MARVELD2: variants seen among roughly 807,000 people sequenced by gnomAD.
MARVELD2 encodes MARVEL domain-containing protein 2.
In MARVELD2, 49 loss-of-function variants were observed where a neutral mutation model predicts 57.6. The observed-to-expected ratio is 0.85, with a 90% confidence interval of 0.68 to 1.08. The LOEUF is 1.08. MARVELD2 is among the 50% of genes least tolerant of loss of function. MARVELD2 has a pLI of 0.00. For synonymous variants in MARVELD2, 238 were observed against 258.8 expected (o/e 0.92, Z 0.77); for missense variants, 606 against 701.1 (o/e 0.86, Z 1.53).
intron 3 of MARVELD2, among the ~76,000 whole-genome samples, chr5:69,425,318 G>A (rs963334234): frequency 2.5e-4 from 38 of 149,422 alleles, no homozygotes; most frequent in African/African-American, 8.8e-4. Context: ...TGGGTGCAGC[G>A]CACCAGCATG....
At chr5:69,424,294 C>T (rs1330520295) in intron 2 of MARVELD2, among the ~76,000 whole-genome samples, 1 of 152,138 alleles carries the variant, frequency 6.6e-6, no homozygotes, top group East Asian at 1.9e-4. Context: ...TTTAATCATG[C>T]AAAGTAATGG....
Position 69,439,062 on chromosome 5 carries a change from C to CA in MARVELD2, c.1504-1369dup, listed in dbSNP as rs11315832. On this transcript the variant is annotated intron_variant, in intron 5 of 6. Transcript: ENST00000325631. The stretch of plus-strand genomic sequence containing the variant: ...TGGGCAACAGAGCAAGACCCTGTCT[C>CA]AAAAAAAAAAAAAAAAAAAGAAGAA... 3.6e-3 allele frequency among the ~76,000 whole-genome samples: 323 copies of CA among 89,106 alleles called. 1 individual carries two copies. The highest frequency in any genetic ancestry group is 8.9e-3 in the African/African-American group (209 of 23,408). The allele number at this position is 89,106 out of a possible 152,430, so 58.5% of individuals were successfully genotyped here.
chr5:69,433,560 T>C lies in MARVELD2; in HGVS notation c.1503+467T>C, dbSNP rs369848758. The C allele has an allele frequency of 3.8e-4, 63 of 167,602 alleles. No individual in the cohort carries two copies. The East Asian group carries it at 0.011, about 28-fold the overall frequency. The allele number at this position is 167,602 out of a possible 1,614,324, so 10.4% of individuals were successfully genotyped here. ...CTGCAAGCTCCACCTCCCGAGTTCA[T>C]GCCATTCTCCTGCCTCAGCCTCCCG... On this transcript the variant is annotated intron_variant, in intron 5 of 6. Coordinates refer to ENST00000325631, the MANE Select transcript of MARVELD2 (RefSeq NM_001038603.3).
chr5:69,439,838 A>C (rs2150933989), intron 5 of MARVELD2, among the ~76,000 whole-genome samples: 1 of 152,192 alleles, frequency 6.6e-6, no homozygotes, highest in South Asian at 2.1e-4. Flanking sequence ...ATAGGTTTGC[A>C]TGGATGAACG....
At chr5:69,438,690 G>C (rs1007904199) in intron 5 of MARVELD2, among the ~76,000 whole-genome samples, 3 of 152,042 alleles carry the variant, frequency 2.0e-5, no homozygotes, top group Non-Finnish European at 2.9e-5. Context: ...TTCGAGACCA[G>C]CCAGGCCAAC....
intron 1 of MARVELD2, among the ~76,000 whole-genome samples, chr5:69,416,907 G>A (rs187701814): frequency 1.3e-5 from 2 of 152,250 alleles, no homozygotes; most frequent in Middle Eastern, 3.4e-3. Context: ...GTCAAGTCAT[G>A]TCACTCCTCT....
chr5:69,439,769 G>A (rs1456715082), intron 5 of MARVELD2, among the ~76,000 whole-genome samples: 1 of 151,456 alleles, frequency 6.6e-6, no homozygotes, highest in Non-Finnish European at 1.5e-5. Flanking sequence ...AAAAAAAAAC[G>A]CTGTAAATTA....
intron 5 of MARVELD2, among the ~76,000 whole-genome samples, chr5:69,438,323 C>G (rs1379228277): frequency 6.6e-6 from 1 of 152,146 alleles, no homozygotes; most frequent in African/African-American, 2.4e-5. Flanking sequence ...AGTGCTAACC[C>G]CAATAGCAAG....
At chr5:69,424,500 C>T (rs953231249) in intron 2 of MARVELD2, 101 bp from the exon 3 acceptor site, 3 of 952,140 alleles carry the variant, frequency 3.2e-6, no homozygotes, top group Non-Finnish European at 1.7e-6. Context: ...GAGGATCAAC[C>T]TCTTAAAATT....
intron 1 of MARVELD2, among the ~76,000 whole-genome samples, chr5:69,415,889 A>G (rs1766396211): frequency 6.6e-6 from 1 of 152,220 alleles, no homozygotes. Flanking sequence ...CGCTGCCGCG[A>G]CCTGCGGGAC....
chr5:69,420,753 A>G (rs955437728), intron 2 of MARVELD2, among the ~76,000 whole-genome samples: 2 of 152,112 alleles, frequency 1.3e-5, no homozygotes, highest in African/African-American at 4.8e-5. Flanking sequence ...CTGTTACATA[A>G]CATTGCAAGT....
At chr5:69,429,242 C>A (rs2583699) in intron 3 of MARVELD2, among the ~76,000 whole-genome samples, 75,150 of 151,736 alleles carry the variant, frequency 0.5, 18,656 homozygotes, top group South Asian at 0.54. Flanking sequence ...CACACCTAAT[C>A]CAATCTAAAG....
chr5:69,415,594 C>G (rs548088323), intron 1 of MARVELD2: 51 of 152,368 alleles, frequency 3.3e-4, no homozygotes, highest in African/African-American at 1.2e-3. Flanking sequence ...GGAGACCCCA[C>G]AGCTAAAATG....
intron 4 of MARVELD2, 108 bp from the exon 5 acceptor site, chr5:69,432,814 T>C: frequency 6.5e-7 from 1 of 1,534,388 alleles, no homozygotes. Flanking sequence ...AGAGGTAATG[T>C]ATTGAATTGA....
In MARVELD2 at chr5:69,419,368, C is replaced by T; in HGVS notation, c.-15-3C>T. On this transcript the variant is annotated splice_polypyrimidine_tract_variant and splice_region_variant and intron_variant, in intron 1 of 6. Coordinates refer to ENST00000325631, the MANE Select transcript of MARVELD2 (RefSeq NM_001038603.3). ...TAAGTGATAACTTTAAATTTGGCCA[C>T]AGGTGTGAAAATCACAAATGTCAAA... 6.2e-7 allele frequency: 1 copy of T among 1,614,108 alleles called. No homozygotes were observed. The highest frequency in any genetic ancestry group is 8.5e-7 in the Non-Finnish European group (1 of 1,180,014).
At chr5:69,423,886 C>A (rs945769665) in intron 2 of MARVELD2, among the ~76,000 whole-genome samples, 2 of 152,078 alleles carry the variant, frequency 1.3e-5, no homozygotes, top group East Asian at 1.9e-4. Context: ...TTTTATGTAA[C>A]CTTCACATGT....
chr5:69,444,005 G>T lies in MARVELD2; in HGVS notation c.*2351G>T, dbSNP rs867883118. 1.6e-4 allele frequency: 1 copy of T among 6,222 alleles called. No individual in the cohort carries two copies. Among genetic ancestry groups the T allele is most frequent in the East Asian group, 0.056 (1 of 18 alleles). 0.4% of individuals were successfully genotyped at this position (6,222 alleles called of 1,614,324 possible). On this transcript the variant is annotated 3_prime_UTR_variant, in exon 7 of 7. Coordinates refer to ENST00000325631, the MANE Select transcript of MARVELD2 (RefSeq NM_001038603.3). Reference sequence around the variant, plus strand: ...CATTTCACTTAAGAAGAGCACCAGTGCTTTAAAAAAAAAAAAAGGTAAAAT... The same window carrying T: ...CATTTCACTTAAGAAGAGCACCAGTTCTTTAAAAAAAAAAAAAGGTAAAAT...
chr5:69,431,737 G>C (rs1766968900), intron 3 of MARVELD2, among the ~76,000 whole-genome samples: 1 of 150,176 alleles, frequency 6.7e-6, no homozygotes, highest in Non-Finnish European at 1.5e-5. Flanking sequence ...GAACAACTTT[G>C]TGACTATAAA....
At chr5:69,433,227 A>G in intron 5 of MARVELD2, 134 bp downstream of exon 5, 1 of 911,018 alleles carries the variant, frequency 1.1e-6, no homozygotes, top group Non-Finnish European at 1.7e-6. Context: ...CAGTGGCACA[A>G]TCTTGGCTTG....
Sources: allele counts gnomAD v4.1 joint callset (sites outside exome capture counted in the v4.1 genomes callset), GRCh38; gene constraint gnomAD v4.1.1; transcripts MANE v1.5; gene names NCBI Gene and HGNC (gene_info 2026-07-23, HGNC 2026-07-21).